PARVB: variants seen among roughly 807,000 people sequenced by gnomAD.
The protein encoded by PARVB is parvin beta.
Under a neutral mutation model 47.0 loss-of-function variants are expected in PARVB, and 46 were observed. The observed-to-expected ratio is 0.98, with a 90% CI of 0.77 to 1.25. The LOEUF (loss-of-function observed/expected upper bound fraction) is 1.25. Among genes scored for constraint, PARVB ranks in the 50% most tolerant of loss-of-function variants. PARVB has a pLI of 0.00. For missense variants in PARVB, 473 were observed against 471.6 expected (o/e 1.00, Z -0.03); for synonymous variants, 196 against 196.3 (o/e 1.00, Z 0.01).
At chr22:44,021,873 A>G (rs2050654613), upstream of PARVB, among the ~76,000 whole-genome samples, 2 of 151,950 alleles carry the variant, frequency 1.3e-5, no homozygotes, top group Non-Finnish European at 1.5e-5. Flanking sequence ...GCCGAGGAAC[A>G]TGGAAGATTT....
At chr22:44,006,672 C>T (rs946303919) in intron 2 of PARVB, among the ~76,000 whole-genome samples, 1 of 152,154 alleles carries the variant, frequency 6.6e-6, no homozygotes, top group African/African-American at 2.4e-5. Flanking sequence ...CCCTGCCCAG[C>T]CCACCCTGTG....
At chr22:44,029,463 A>T (rs1411020503) in intron 1 of PARVB, among the ~76,000 whole-genome samples, 1 of 152,176 alleles carries the variant, frequency 6.6e-6, no homozygotes, top group Non-Finnish European at 1.5e-5. Flanking sequence ...ATGATTAATG[A>T]GCAAGATATT....
chr22:44,098,300 A>G (rs996774457), intron 2 of PARVB, among the ~76,000 whole-genome samples: 2 of 152,202 alleles, frequency 1.3e-5, no homozygotes, highest in African/African-American at 4.8e-5. Context: ...AGGGGGTCTC[A>G]GACATGGGTC....
At position 44,130,317 on chromosome 22, in the gene PARVB, G is replaced by T. The variant is rs762190082; in HGVS notation, c.377-1170G>T. Among the ~76,000 whole-genome samples, 83 of 152,214 alleles carry T rather than the reference G, an allele frequency of 5.5e-4. 1 individual carries two copies. Among genetic ancestry groups the T allele is most frequent in the Non-Finnish European group, 1.1e-3 (72 of 68,044 alleles). On this transcript the variant is annotated intron_variant, in intron 4 of 12. Coordinates refer to ENST00000338758, the MANE Select transcript of PARVB (RefSeq NM_013327.5). ...TCTATCAGTAAACACTGGAGTCTTA[G>T]AATCGAAGACTAGCAGGGAAACTGG...
At chr22:44,163,355 G>A (rs1002975439) in intron 11 of PARVB, among the ~76,000 whole-genome samples, 1 of 152,196 alleles carries the variant, frequency 6.6e-6, no homozygotes, top group Non-Finnish European at 1.5e-5. Flanking sequence ...ATGCGTGCCT[G>A]TAGTCCCAAC....
rs757301926 is a variant in PARVB at position 44,119,126 on chromosome 22, T to G, written c.362T>G (p.Leu121Arg). 20 of 1,612,738 alleles carry G rather than the reference T, an allele frequency of 1.2e-5. No homozygotes were observed. The highest frequency in any genetic ancestry group is 2.7e-5 in the African/African-American group (2 of 74,908). Residue 121 changes from leucine to arginine, a missense_variant, in exon 4 of 13, where the codon CTG (leucine) becomes CGG (arginine). Coordinates refer to ENST00000338758, the MANE Select transcript of PARVB (RefSeq NM_013327.5). ...LEEDLYDGQV[L>R]QKLLEKLAGC... ...GAAGACCTGTATGACGGCCAGGTGC[T>G]GCAGAAGCTCTTGGGTGAGTTCACA...
At chr22:44,053,459 G>A (rs542404447) in intron 1 of PARVB, among the ~76,000 whole-genome samples, 99 of 152,298 alleles carry the variant, frequency 6.5e-4, no homozygotes, top group African/African-American at 2.3e-3. Context: ...CTTTCACAGC[G>A]CTGCCCTGAA....
intron 9 of PARVB, chr22:44,151,267 G>A: frequency 1.9e-6 from 1 of 518,242 alleles, no homozygotes; most frequent in Non-Finnish European, 3.5e-6. Context: ...TTGGTGAGCA[G>A]AGACGTGTAG....
intron 2 of PARVB, among the ~76,000 whole-genome samples, chr22:44,095,335 C>T (rs866355884): frequency 3.9e-5 from 6 of 152,026 alleles, no homozygotes; most frequent in East Asian, 1.9e-4. Context: ...ATGGCGAAAC[C>T]GCGTCTCTCC....
intron 4 of PARVB, among the ~76,000 whole-genome samples, chr22:44,121,094 G>A (rs2053036914): frequency 6.6e-6 from 1 of 152,166 alleles, no homozygotes; most frequent in South Asian, 2.1e-4. Flanking sequence ...ACCCACCTCA[G>A]CCTCCCAAAG....
intron 4 of PARVB, among the ~76,000 whole-genome samples, chr22:44,123,439 G>C (rs765715243): frequency 6.6e-6 from 1 of 152,052 alleles, no homozygotes; most frequent in Non-Finnish European, 1.5e-5. Flanking sequence ...TTCAAGACAG[G>C]GTCTCACTCC....
intron 1 of PARVB, among the ~76,000 whole-genome samples, chr22:44,061,660 A>G (rs2051422714): frequency 6.6e-6 from 1 of 151,550 alleles, no homozygotes; most frequent in South Asian, 2.1e-4. Flanking sequence ...TGCGTCACCC[A>G]GGCTGGAGTG....
chr22:44,149,715 A>G (rs2053760996), intron 9 of PARVB: 1 of 152,208 alleles, frequency 6.6e-6, no homozygotes, highest in African/African-American at 2.4e-5. Flanking sequence ...TCTCCGTCCC[A>G]CCACTACACG....
rs147542446 is a variant in PARVB, at chr22:44,076,343, C to T, written c.113-17585C>T. ...CGCAGCCCTGTGTCCTCTTTCTAGT[C>T]CTCTGTCTTGTAAGCCCGGTCCCCA... On this transcript the variant is annotated intron_variant, in intron 1 of 12. Coordinates refer to ENST00000338758, the MANE Select transcript of PARVB (RefSeq NM_013327.5). Among the ~76,000 whole-genome samples the T allele has an allele frequency of 3.3e-5, 5 of 152,338 alleles. No homozygotes were observed. In the East Asian group the frequency reaches 9.7e-4, roughly 29 times the overall value.
chr22:44,039,807 GATTTC>G (rs1555894899), intron 1 of PARVB: 1 of 453,284 alleles, frequency 2.2e-6, no homozygotes. Flanking sequence ...CACACTGTGT[GATTTC>G]ATTTCATTTC....
intron 8 of PARVB, 149 bp from the exon 9 acceptor site, chr22:44,147,712 C>T (rs2053716529): frequency 1.3e-6 from 1 of 781,342 alleles, no homozygotes; most frequent in Non-Finnish European, 2.3e-6. Context: ...TCAGCCCTTT[C>T]ATTCTGGTAG....
intron 4 of PARVB, among the ~76,000 whole-genome samples, chr22:44,120,280 T>C (rs567054230): frequency 6.6e-6 from 1 of 152,356 alleles, no homozygotes; most frequent in East Asian, 1.9e-4. Context: ...CCACGATGCC[T>C]TTTGTTTGGA....
At chr22:44,013,380 C>T (rs1222677223) in intron 2 of PARVB, among the ~76,000 whole-genome samples, 2 of 152,196 alleles carry the variant, frequency 1.3e-5, no homozygotes, top group Admixed American at 6.5e-5. Flanking sequence ...TTCAGTGGAA[C>T]GTCTGTTGAC....
chr22:44,151,482 G>A lies in PARVB; in HGVS notation c.775-1G>A, dbSNP rs758491119. Reference sequence around the variant, plus strand: ...TCCTGTGTCTCTTTTATTCTTGGCAGTCTCTCATCACTTTTGTGAACAAGC... The same window carrying A: ...TCCTGTGTCTCTTTTATTCTTGGCAATCTCTCATCACTTTTGTGAACAAGC... On this transcript the variant is annotated splice_acceptor_variant, in intron 9 of 12. Coordinates refer to ENST00000338758, the MANE Select transcript of PARVB (RefSeq NM_013327.5). LOFTEE classifies it high-confidence loss of function. 2 of 1,613,242 alleles carry A rather than the reference G, an allele frequency of 1.2e-6. No homozygotes were observed. The highest frequency in any genetic ancestry group is 2.7e-5 in the African/African-American group (2 of 75,026).
Sources: gnomAD v4.1 joint callset for allele counts (sites outside exome capture counted in the v4.1 genomes callset) on GRCh38, gnomAD v4.1.1 for gene constraint, MANE v1.5 for transcripts, NCBI Gene and HGNC (gene_info 2026-07-23, HGNC 2026-07-21) for gene names.